CTCF: variants seen among roughly 807,000 people sequenced by gnomAD.
The protein encoded by CTCF is transcriptional repressor CTCF.
CTCF carries 7 observed loss-of-function variants against 72.3 expected under a neutral mutation model. The observed-to-expected ratio is 0.10, with a 90% CI of 0.06 to 0.18. CTCF has a LOEUF of 0.18. Ranked by LOEUF, CTCF falls within the 10% of genes least tolerant of loss-of-function variation. The pLI is 1.00. For synonymous variants in CTCF, 374 were observed against 315.8 expected, an observed-to-expected ratio of 1.18 and a Z score of -1.95; for missense variants, 516 against 949.1, an observed-to-expected ratio of 0.54 and a Z score of 6.00.
At chr16:67,619,155 G>T (rs969706828) in intron 5 of CTCF, among the ~76,000 whole-genome samples, 1 of 152,206 alleles carries the variant, frequency 6.6e-6, no homozygotes, top group African/African-American at 2.4e-5. Flanking sequence ...TATGAGTGGG[G>T]CCAGGCGCGG....
intron 1 of CTCF, among the ~76,000 whole-genome samples, chr16:67,570,424 G>A (rs2051400515): frequency 6.7e-6 from 1 of 148,944 alleles, no homozygotes; most frequent in African/African-American, 2.5e-5. Context: ...CCATTATTTG[G>A]TTGCAATATT....
intron 2 of CTCF, among the ~76,000 whole-genome samples, chr16:67,587,010 G>T (rs545523709): frequency 6.6e-6 from 1 of 150,868 alleles, no homozygotes; most frequent in African/African-American, 2.4e-5. Flanking sequence ...GCTTAGGCTT[G>T]TCCCATCTCT....
intron 10 of CTCF, among the ~76,000 whole-genome samples, chr16:67,630,708 T>TCACG (rs1228893703): frequency 6.6e-6 from 1 of 151,828 alleles, no homozygotes; most frequent in African/African-American, 2.4e-5. Flanking sequence ...TGAGCTGTGA[T>TCACG]CACGCCACTG....
intron 2 of CTCF, among the ~76,000 whole-genome samples, chr16:67,587,010 G>C (rs545523709): frequency 6.6e-6 from 1 of 150,970 alleles, no homozygotes; most frequent in Non-Finnish European, 1.5e-5. Flanking sequence ...GCTTAGGCTT[G>C]TCCCATCTCT....
At chr16:67,590,167 C>T (rs993821825) in intron 2 of CTCF, among the ~76,000 whole-genome samples, 4 of 151,278 alleles carry the variant, frequency 2.6e-5, no homozygotes, top group Admixed American at 2.6e-4. Context: ...CGTCAGCCAC[C>T]TTTTGGCGAA....
In CTCF at chr16:67,574,508, A is replaced by G. The variant is rs371903867; in HGVS notation, c.-10+3244A>G. Among the ~76,000 whole-genome samples the G allele has an allele frequency of 8.2e-4, 124 of 151,756 alleles. 1 individual carries two copies. The Middle Eastern group carries it at 0.01, about 12-fold the overall frequency. On this transcript the variant is annotated intron_variant, in intron 2 of 11. Transcript: ENST00000264010. Reference sequence around the variant, plus strand: ...AGGCGTTCACCCCCACGCCTGGCTAATTTTGGTATTTTTAGTAGAGATGGG... The same window carrying G: ...AGGCGTTCACCCCCACGCCTGGCTAGTTTTGGTATTTTTAGTAGAGATGGG...
At chr16:67,618,903 T>G (rs2142843528) in intron 5 of CTCF, among the ~76,000 whole-genome samples, 2 of 152,274 alleles carry the variant, frequency 1.3e-5, no homozygotes, top group South Asian at 4.1e-4. Flanking sequence ...GAAGAATAAA[T>G]ATGAATGGCT....
intron 2 of CTCF, among the ~76,000 whole-genome samples, chr16:67,606,759 T>G (rs894152762): frequency 3.4e-5 from 5 of 148,276 alleles, no homozygotes; most frequent in East Asian, 3.9e-4. Context: ...GTTTTGGGTT[T>G]TTTTTTTTTT....
chr16:67,599,730 G>A (rs1567603261), intron 2 of CTCF, among the ~76,000 whole-genome samples: 1 of 152,166 alleles, frequency 6.6e-6, no homozygotes, highest in Non-Finnish European at 1.5e-5. Context: ...TCCATTTTAT[G>A]GTGATACCAC....
intron 2 of CTCF, among the ~76,000 whole-genome samples, chr16:67,599,628 A>C (rs2051861175): frequency 6.6e-6 from 1 of 152,204 alleles, no homozygotes; most frequent in Non-Finnish European, 1.5e-5. Flanking sequence ...TCATCTACAC[A>C]GAAGTTGACT....
At chr16:67,570,546 T>G (rs370453771) in intron 1 of CTCF, among the ~76,000 whole-genome samples, 4 of 151,176 alleles carry the variant, frequency 2.6e-5, no homozygotes, top group African/African-American at 7.3e-5. Context: ...CCTCCCAGGT[T>G]TGCACCATTC....
At chr16:67,609,030 C>T (rs1567607581) in intron 2 of CTCF, among the ~76,000 whole-genome samples, 1 of 152,074 alleles carries the variant, frequency 6.6e-6, no homozygotes, top group African/African-American at 2.4e-5. Flanking sequence ...CGTGAGCCAC[C>T]ACGTGCTTAA....
intron 10 of CTCF, among the ~76,000 whole-genome samples, chr16:67,632,601 A>G (rs1275006345): frequency 6.6e-6 from 1 of 152,182 alleles, no homozygotes; most frequent in Non-Finnish European, 1.5e-5. Flanking sequence ...TTTTGCTGAA[A>G]TACCACCAAG....
At chr16:67,601,203 G>A (rs192856254) in intron 2 of CTCF, among the ~76,000 whole-genome samples, 1 of 144,374 alleles carries the variant, frequency 6.9e-6, no homozygotes, top group Non-Finnish European at 1.5e-5. Flanking sequence ...ACTGCTTGAT[G>A]GAATGCACTA....
rs571249876 is a variant in CTCF at position 67,620,389 on chromosome 16, C to CG, written c.1087-304dup. 5.3e-5 allele frequency among the ~76,000 whole-genome samples: 8 copies of CG among 152,014 alleles called. No individual in the cohort carries two copies. The East Asian group carries it at 1.4e-3, about 26-fold the overall frequency. ...CTAATTTTTGTATTGTTAGTAGATA[C>CG]GGGGTCTCACCATTTGGCCAGGCTG... On this transcript the variant is annotated intron_variant, in intron 5 of 11. Coordinates refer to ENST00000264010, the MANE Select transcript of CTCF (RefSeq NM_006565.4).
intron 2 of CTCF, among the ~76,000 whole-genome samples, chr16:67,594,889 G>C (rs926831071): frequency 3.3e-5 from 5 of 152,164 alleles, no homozygotes; most frequent in African/African-American, 1.2e-4. Context: ...AAAACTTGTG[G>C]TCAGTTTGTA....
intron 10 of CTCF, among the ~76,000 whole-genome samples, chr16:67,635,943 A>T (rs1362654662): frequency 6.6e-6 from 1 of 151,674 alleles, no homozygotes; most frequent in Non-Finnish European, 1.5e-5. Context: ...GATTTTTCTT[A>T]ATAATTGGCT....
At chr16:67,612,587 C>G (rs1191619834) in intron 4 of CTCF, 1 of 147,874 alleles carries the variant, frequency 6.8e-6, no homozygotes, top group African/African-American at 2.5e-5. Flanking sequence ...GAGTCTCCGT[C>G]TAAAAAAAAA....
intron 10 of CTCF, among the ~76,000 whole-genome samples, chr16:67,629,746 CTTTTTTTTTTTTTTTTTTTTTTTT>C (rs71145978): frequency 7.6e-4 from 48 of 63,356 alleles, no homozygotes; most frequent in South Asian, 2.9e-3. Flanking sequence ...CATTAATGCC[CTTTTTTTTTTTTTTTTTTTTTTTT>C]TTTTTTTTTT....
Sources: gnomAD v4.1 joint callset for allele counts (sites outside exome capture counted in the v4.1 genomes callset) on GRCh38, gnomAD v4.1.1 for gene constraint, MANE v1.5 for transcripts, NCBI Gene and HGNC (gene_info 2026-07-23, HGNC 2026-07-21) for gene names.